GPHN: variants seen among roughly 807,000 people sequenced by gnomAD.
GPHN encodes the protein gephyrin.
In GPHN, 17 loss-of-function variants were observed where a neutral mutation model predicts 95.5. The observed-to-expected ratio is 0.18, with a 90% CI of 0.12 to 0.27. The LOEUF (loss-of-function observed/expected upper bound fraction) is 0.27. Among genes scored for constraint, GPHN ranks in the 10% least tolerant of loss-of-function variants. GPHN has a pLI of 1.00. For synonymous variants in GPHN, 320 were observed against 322.5 expected (o/e 0.99, Z 0.08); for missense variants, 660 against 978.1 (o/e 0.67, Z 4.34).
chr14:67,452,880 C>T, the GPHN span, among the ~76,000 whole-genome samples: 2 of 152,184 alleles, frequency 1.3e-5, no homozygotes, highest in African/African-American at 4.8e-5. Context: ...GAGGCAGATC[C>T]AGAAATGGAA....
chr14:67,655,832 T>C, the GPHN span, among the ~76,000 whole-genome samples: 107 of 152,300 alleles, frequency 7.0e-4, no homozygotes, highest in African/African-American at 2.6e-3. Context: ...ATCTTGTAAG[T>C]GTAGAAATCA....
At chr14:66,947,891 A>T (rs919840135) in intron 8 of GPHN, among the ~76,000 whole-genome samples, 2 of 152,174 alleles carry the variant, frequency 1.3e-5, no homozygotes, top group Non-Finnish European at 2.9e-5. Flanking sequence ...GGAGTTTGAG[A>T]CTACAGTGAG....
At chr14:67,442,399 G>T in the GPHN span, among the ~76,000 whole-genome samples, 4 of 152,304 alleles carry the variant, frequency 2.6e-5, no homozygotes, top group Admixed American at 6.5e-5. Context: ...TGGAGCTATT[G>T]TCTTGAGTTT....
At chr14:67,360,019 G>A in the GPHN span, 1 of 524,636 alleles carries the variant, frequency 1.9e-6, no homozygotes, top group East Asian at 3.2e-5. Flanking sequence ...GCACGCGCCA[G>A]GCCAAAGACT....
intron 18 of GPHN, among the ~76,000 whole-genome samples, chr14:67,144,262 T>TACAC (rs1216045045): frequency 3.7e-5 from 3 of 82,010 alleles, no homozygotes; most frequent in African/African-American, 7.7e-5. Context: ...TATATATATA[T>TACAC]ATATATATAT....
At chr14:67,542,108 C>T in the GPHN span, 1 of 1,001,208 alleles carries the variant, frequency 1.0e-6, no homozygotes, top group Non-Finnish European at 1.4e-6. Context: ...TGCTTTTCCC[C>T]ATATGCAAAA....
the GPHN span, among the ~76,000 whole-genome samples, chr14:67,464,075 A>AGT: frequency 6.6e-4 from 99 of 150,904 alleles, 1 homozygote; most frequent in Admixed American, 2.9e-3. Context: ...TATGTGTGAG[A>AGT]GTGTGTGTGT....
At chr14:66,612,329 G>C (rs148396015) in intron 1 of GPHN, among the ~76,000 whole-genome samples, 1 of 151,504 alleles carries the variant, frequency 6.6e-6, no homozygotes, top group Non-Finnish European at 1.5e-5. Context: ...CTCCTATCCA[G>C]TTATTGTTCT....
chr14:66,544,112 C>A lies in GPHN; in HGVS notation c.64+35521C>A, dbSNP rs1333837825. Among the ~76,000 whole-genome samples the A allele has an allele frequency of 2.6e-5, 4 of 152,284 alleles. No individual in the cohort carries two copies. The East Asian group carries it at 5.8e-4, about 22-fold the overall frequency. On this transcript the variant is annotated intron_variant, in intron 1 of 22. Transcript: ENST00000478722. ...CCACTTCTATTCTTTTCTTTAGTCTCTCCACTTCAGCCACACTGACCTCAT... is the reference window on the plus strand; with the variant it reads ...CCACTTCTATTCTTTTCTTTAGTCTATCCACTTCAGCCACACTGACCTCAT...
chr14:67,578,593 G>A, the GPHN span: 1 of 1,611,874 alleles, frequency 6.2e-7, no homozygotes, highest in Non-Finnish European at 8.5e-7. This position sits in a 1 kb window ranked among gnomAD's most constrained non-coding sequence, Gnocchi z 5.0. Context: ...ACTTCCTCTG[G>A]TATGTCAAGC....
the GPHN span, chr14:67,390,769 A>C: frequency 6.5e-7 from 1 of 1,532,686 alleles, no homozygotes; most frequent in African/African-American, 1.4e-5. Flanking sequence ...AATGGTTCAA[A>C]GCTCATTGGT....
At chr14:67,568,442 C>T in the GPHN span, among the ~76,000 whole-genome samples, 2 of 151,942 alleles carry the variant, frequency 1.3e-5, no homozygotes, top group Non-Finnish European at 2.9e-5. Context: ...TGGGGCCTGT[C>T]AGTGGATGGT....
intron 2 of GPHN, among the ~76,000 whole-genome samples, chr14:66,742,077 A>G (rs865822033): frequency 6.6e-6 from 1 of 152,148 alleles, no homozygotes; most frequent in Non-Finnish European, 1.5e-5. Context: ...CCTTGACACC[A>G]TCTCCCTAAA....
At chr14:67,723,056 C>T in the GPHN span, among the ~76,000 whole-genome samples, 7 of 152,300 alleles carry the variant, frequency 4.6e-5, no homozygotes, top group East Asian at 1.2e-3. Flanking sequence ...CTGAAGAACT[C>T]GGAGACTCTG....
the GPHN span, among the ~76,000 whole-genome samples, chr14:67,283,058 A>G: frequency 6.6e-6 from 1 of 152,180 alleles, no homozygotes; most frequent in Non-Finnish European, 1.5e-5. Context: ...GAACATACAC[A>G]CCCATATATA....
the GPHN span, chr14:67,338,061 A>G: frequency 6.6e-6 from 1 of 152,280 alleles, no homozygotes; most frequent in East Asian, 1.9e-4. Context: ...ATTAATAAAA[A>G]CGGAATGACT....
chr14:66,532,647 A>G (rs1230988186), intron 1 of GPHN, among the ~76,000 whole-genome samples: 1 of 152,194 alleles, frequency 6.6e-6, no homozygotes, highest in African/African-American at 2.4e-5. Flanking sequence ...CTTTAGTAAA[A>G]GGGAACAATT....
chr14:67,542,339 G>C, the GPHN span, among the ~76,000 whole-genome samples: 3 of 152,276 alleles, frequency 2.0e-5, no homozygotes, highest in Admixed American at 2.0e-4. Flanking sequence ...GGAGAAAACA[G>C]AAATCTCTAC....
At chr14:66,607,167 G>C in intron 1 of GPHN, among the ~76,000 whole-genome samples, 1 of 151,712 alleles carries the variant, frequency 6.6e-6, no homozygotes, top group East Asian at 1.9e-4. Flanking sequence ...GTTTGTTGAG[G>C]GTTTTTATCA....
Sources: allele counts gnomAD v4.1 joint callset (sites outside exome capture counted in the v4.1 genomes callset), GRCh38; gene constraint gnomAD v4.1.1; non-coding constraint Gnocchi (gnomAD v3.1); transcripts MANE v1.5; gene names NCBI Gene and HGNC (gene_info 2026-07-23, HGNC 2026-07-21).